The following CCDC178 variants were observed in gnomAD, a reference collection of about 807,000 sequenced individuals.
CCDC178 encodes the protein coiled-coil domain-containing protein 178.
CCDC178 carries 126 observed loss-of-function variants against 117.4 expected under a neutral mutation model. The ratio of observed to expected loss-of-function variants is 1.07; its 90% CI spans 0.93 to 1.24. The LOEUF (loss-of-function observed/expected upper bound fraction) is 1.24. Among genes scored for constraint, CCDC178 ranks in the 50% most tolerant of loss-of-function variants. The pLI, the probability that CCDC178 is intolerant of heterozygous loss-of-function variation, is 0.00. For missense variants in CCDC178, 1,030 were observed against 986.9 expected, an observed-to-expected ratio of 1.04 and a Z score of -0.59; for synonymous variants, 283 against 313.4, an observed-to-expected ratio of 0.90 and a Z score of 1.02.
chr18:33,187,631 G>C (rs557676920), intron 20 of CCDC178, among the ~76,000 whole-genome samples: 4 of 152,104 alleles, frequency 2.6e-5, no homozygotes, highest in Admixed American at 2.6e-4. Flanking sequence ...AAACTTGCTA[G>C]GTATGTATAG....
At chr18:33,048,000 C>T (rs2056676849) in intron 21 of CCDC178, among the ~76,000 whole-genome samples, 1 of 152,154 alleles carries the variant, frequency 6.6e-6, no homozygotes, top group African/African-American at 2.4e-5. Context: ...CCCAGTACCT[C>T]CGACTTAGTT....
At chr18:33,212,087 C>A (rs370044529) in intron 19 of CCDC178, 32 bp from the exon 20 acceptor site, 29 of 1,479,168 alleles carry the variant, frequency 2.0e-5, no homozygotes, top group East Asian at 2.4e-5. Context: ...TGCCACTAAT[C>A]AATTCACATT....
At chr18:33,158,843 A>T (rs1224193860) in intron 20 of CCDC178, among the ~76,000 whole-genome samples, 1 of 152,114 alleles carries the variant, frequency 6.6e-6, no homozygotes, top group Admixed American at 6.5e-5. Flanking sequence ...TGGAAGAAAA[A>T]TTTAAAAATA....
intron 20 of CCDC178, among the ~76,000 whole-genome samples, chr18:33,181,528 A>G (rs1363758744): frequency 6.6e-6 from 1 of 151,974 alleles, no homozygotes; most frequent in East Asian, 1.9e-4. Context: ...ATGCATGCAA[A>G]CATGTGCCAT....
intron 15 of CCDC178, among the ~76,000 whole-genome samples, chr18:33,236,639 C>G (rs2059429927): frequency 6.6e-6 from 1 of 152,088 alleles, no homozygotes; most frequent in Non-Finnish European, 1.5e-5. Context: ...AGATGGCTCA[C>G]TAGAAGTGCC....
At chr18:33,250,595 T>G (rs2059609726) in intron 14 of CCDC178, among the ~76,000 whole-genome samples, 1 of 151,738 alleles carries the variant, frequency 6.6e-6, no homozygotes, top group African/African-American at 2.4e-5. Flanking sequence ...ATGAAATATT[T>G]ATTTAAGTCA....
At chr18:33,104,940 A>T (rs142425160) in intron 20 of CCDC178, among the ~76,000 whole-genome samples, 254 of 151,848 alleles carry the variant, frequency 1.7e-3, no homozygotes, top group African/African-American at 5.9e-3. Flanking sequence ...TAAGCTAAAT[A>T]TGTGACAAAT....
chr18:33,437,572 C>A (rs2064309419), intron 2 of CCDC178: 1 of 152,054 alleles, frequency 6.6e-6, no homozygotes, highest in East Asian at 1.9e-4. Context: ...CAGTAAGTAC[C>A]CAGAAAGGGA....
chr18:33,329,262 T>C (rs1310626160), intron 10 of CCDC178, among the ~76,000 whole-genome samples: 1 of 152,188 alleles, frequency 6.6e-6, no homozygotes, highest in African/African-American at 2.4e-5. Context: ...TTTTAATTTC[T>C]AATTTGTGTG....
At chr18:33,320,187 C>T (rs1324259994) in intron 11 of CCDC178, among the ~76,000 whole-genome samples, 1 of 152,156 alleles carries the variant, frequency 6.6e-6, no homozygotes, top group Non-Finnish European at 1.5e-5. Context: ...TGGCACAAGA[C>T]AGGGATGCCC....
chr18:32,972,086 A>T, intron 22 of CCDC178, among the ~76,000 whole-genome samples: 1 of 151,942 alleles, frequency 6.6e-6, no homozygotes, highest in African/African-American at 2.4e-5. Context: ...AGTAATGAAG[A>T]ATTTGCCCAT....
At chr18:32,966,898 A>C (rs1046391970) in intron 22 of CCDC178, among the ~76,000 whole-genome samples, 97 of 151,858 alleles carry the variant, frequency 6.4e-4, no homozygotes, top group African/African-American at 2.3e-3. Context: ...ATTTTTGTTA[A>C]TTATGGTTAG....
intron 20 of CCDC178, among the ~76,000 whole-genome samples, chr18:33,195,540 T>A (rs1300215442): frequency 6.6e-6 from 1 of 152,162 alleles, no homozygotes; most frequent in Non-Finnish European, 1.5e-5. Context: ...AAGCCTGCTT[T>A]TCCTCCTGTG....
chr18:33,134,672 T>G (rs1223311503), intron 20 of CCDC178, among the ~76,000 whole-genome samples: 2 of 152,082 alleles, frequency 1.3e-5, no homozygotes, highest in East Asian at 3.9e-4. Context: ...GCCCATCCCA[T>G]TTTTCCTTCC....
chr18:33,429,324 CAG>C lies in CCDC178; in HGVS notation c.-23+10636_-23+10637del, dbSNP rs534178103. On this transcript the variant is annotated intron_variant, in intron 2 of 22. Coordinates refer to ENST00000383096, the MANE Select transcript of CCDC178 (RefSeq NM_001105528.4). ...AGAGAAAGAGAAGGAGAGAAGGAGACAGGGAGAGAGGGAGAAAAGCAGAGAAG... is the reference window on the plus strand; with the variant it reads ...AGAGAAAGAGAAGGAGAGAAGGAGACGGAGAGAGGGAGAAAAGCAGAGAAG... 3.6e-4 allele frequency among the ~76,000 whole-genome samples: 55 copies of C among 151,146 alleles called. 1 individual carries two copies. The East Asian group carries it at 0.011, about 30-fold the overall frequency.
At chr18:33,162,132 T>C (rs377041985) in intron 20 of CCDC178, among the ~76,000 whole-genome samples, 52 of 151,970 alleles carry the variant, frequency 3.4e-4, no homozygotes, top group African/African-American at 1.2e-3. Context: ...AACTGAACAA[T>C]GAGAACACAT....
chr18:33,249,237 A>C (rs1340893921), intron 14 of CCDC178, among the ~76,000 whole-genome samples: 1 of 152,046 alleles, frequency 6.6e-6, no homozygotes, highest in Middle Eastern at 3.2e-3. Flanking sequence ...CTCTGATGGT[A>C]GTTTCTTTTG....
At position 33,370,152 on chromosome 18, in the gene CCDC178, T is replaced by G; in HGVS notation, c.246A>C (p.Arg82=). ...NKGIYFSYPC[R]RHSCAVVNIP... ...TATTTACTACGGCACAGCTGTGACG[T>G]CGACATGGGTAGCTAAAGTAAATGC... The change falls in exon 6 of 23, where the codon CGA becomes CGC. Residue 82 remains arginine, a synonymous_variant. Coordinates refer to ENST00000383096, the MANE Select transcript of CCDC178 (RefSeq NM_001105528.4). 1 of 1,604,106 alleles carries G rather than the reference T, an allele frequency of 6.2e-7. No homozygotes were observed. The highest frequency in any genetic ancestry group is 2.3e-5 in the East Asian group (1 of 44,372).
chr18:33,051,057 C>T (rs534327262), intron 21 of CCDC178, among the ~76,000 whole-genome samples: 5 of 152,174 alleles, frequency 3.3e-5, no homozygotes, highest in African/African-American at 4.8e-5. Context: ...GGATCACAGG[C>T]GTGCACCACC....
Sources: gnomAD v4.1 joint callset for allele counts (sites outside exome capture counted in the v4.1 genomes callset) on GRCh38, gnomAD v4.1.1 for gene constraint, MANE v1.5 for transcripts, NCBI Gene and HGNC (gene_info 2026-07-23, HGNC 2026-07-21) for gene names.